THNSL1: variants seen among roughly 807,000 people sequenced by gnomAD.
THNSL1 encodes the protein threonine synthase-like 1.
A neutral mutation model predicts 50.4 loss-of-function variants in THNSL1; 48 were observed. The observed-to-expected ratio is 0.95, with a 90% CI of 0.76 to 1.21. The LOEUF is 1.21. Among genes scored for constraint, THNSL1 ranks in the 50% most tolerant of loss-of-function variants. THNSL1 has a pLI of 0.00. For synonymous variants in THNSL1, 309 were observed against 306.1 expected, an observed-to-expected ratio of 1.01 and a Z score of -0.10; for missense variants, 896 against 871.7, an observed-to-expected ratio of 1.03 and a Z score of -0.35.
chr10:25,018,066 T>C (rs1334339245), intron 1 of THNSL1, among the ~76,000 whole-genome samples: 5 of 152,200 alleles, frequency 3.3e-5, no homozygotes, highest in Non-Finnish European at 5.9e-5. Flanking sequence ...GCCTTGATGT[T>C]CTGGGGTTAC....
the THNSL1 span, among the ~76,000 whole-genome samples, chr10:24,967,451 G>A: frequency 0.044 from 6,710 of 152,260 alleles, 389 homozygotes; most frequent in African/African-American, 0.13. Context: ...AGGTAGTGGG[G>A]GAAGGATGGG....
the THNSL1 span, among the ~76,000 whole-genome samples, chr10:24,978,197 T>C: frequency 6.6e-6 from 1 of 152,200 alleles, no homozygotes; most frequent in Non-Finnish European, 1.5e-5. Flanking sequence ...CAGTTCTTTT[T>C]CATCAAGCAC....
the THNSL1 span, among the ~76,000 whole-genome samples, chr10:24,989,888 C>A: frequency 6.6e-6 from 1 of 152,030 alleles, no homozygotes; most frequent in African/African-American, 2.4e-5. Context: ...CTCTTACACC[C>A]CCTAATATTT....
the THNSL1 span, among the ~76,000 whole-genome samples, chr10:24,993,420 T>C: frequency 6.6e-5 from 10 of 152,236 alleles, no homozygotes; most frequent in Admixed American, 4.6e-4. Context: ...AGTTACTAAG[T>C]GGCAGAGTTA....
At chr10:25,010,961 G>T in the THNSL1 span, among the ~76,000 whole-genome samples, 3 of 151,560 alleles carry the variant, frequency 2.0e-5, no homozygotes, top group Non-Finnish European at 4.4e-5. Flanking sequence ...TATATACCCA[G>T]TAATGGGATG....
chr10:24,961,530 A>T, the THNSL1 span, among the ~76,000 whole-genome samples: 3 of 152,182 alleles, frequency 2.0e-5, no homozygotes, highest in African/African-American at 7.2e-5. Flanking sequence ...TTACAATATT[A>T]GTGTCTTTTT....
At chr10:24,964,639 T>C in the THNSL1 span, among the ~76,000 whole-genome samples, 1 of 152,230 alleles carries the variant, frequency 6.6e-6, no homozygotes, top group Non-Finnish European at 1.5e-5. Flanking sequence ...TTCCATTTCA[T>C]ATAAAGGAAA....
At chr10:24,985,816 G>A in the THNSL1 span, among the ~76,000 whole-genome samples, 15 of 152,292 alleles carry the variant, frequency 9.8e-5, no homozygotes, top group African/African-American at 3.6e-4. Context: ...AACAGAAAGT[G>A]CAATTTAAGA....
chr10:25,010,721 T>C, the THNSL1 span, among the ~76,000 whole-genome samples: 2 of 138,128 alleles, frequency 1.4e-5, no homozygotes, highest in African/African-American at 4.9e-5. Context: ...TGTGATAGTT[T>C]ACTGAGAATG....
the THNSL1 span, among the ~76,000 whole-genome samples, chr10:24,970,794 C>A: frequency 1.3e-5 from 2 of 152,038 alleles, no homozygotes; most frequent in South Asian, 4.1e-4. Context: ...GAGGCTTAGG[C>A]AGGAGGATCC....
At chr10:24,990,222 T>C in the THNSL1 span, among the ~76,000 whole-genome samples, 4 of 152,234 alleles carry the variant, frequency 2.6e-5, no homozygotes. Flanking sequence ...ACAACACTAG[T>C]TCAGGAAAAA....
Position 25,024,919 on chromosome 10 carries a change from A to G in THNSL1, c.1696A>G (p.Ile566Val). Residue 566 changes from isoleucine (I) to valine (V), a missense_variant, in exon 3 of 3, where the codon ATT becomes GTT. Physicochemically the swap from Ile to Val is conservative, Grantham distance 29. Transcript: ENST00000376356. ...LAQTFSPSID[I>V]LKSSNLERHL... ...ACAAACCTTTTCACCGTCAATAGATATTCTCAAATCTTCAAACCTAGAACG... is the reference window on the plus strand; with the variant it reads ...ACAAACCTTTTCACCGTCAATAGATGTTCTCAAATCTTCAAACCTAGAACG... The G allele has an allele frequency of 1.9e-6, 3 of 1,613,956 alleles. No individual in the cohort carries two copies. The highest frequency in any genetic ancestry group is 1.7e-6 in the Non-Finnish European group (2 of 1,180,016).
chr10:25,017,046 CCCTTGGGCGGTCCTCCGGGTCGGCT>C (rs1850608456), intron 1 of THNSL1, among the ~76,000 whole-genome samples: 2 of 152,114 alleles, frequency 1.3e-5, no homozygotes, highest in Non-Finnish European at 2.9e-5. Context: ...CCGGGACCGC[CCCTTGGGCGGTCCTCCGGGTCGGCT>C]CTGCGCCTGC....
the THNSL1 span, among the ~76,000 whole-genome samples, chr10:25,011,162 C>T: frequency 1.4e-4 from 22 of 151,858 alleles, 1 homozygote; most frequent in Admixed American, 1.2e-3. Context: ...TGGTATCTCA[C>T]TGTGGTTTTG....
chr10:24,992,947 G>A, the THNSL1 span, among the ~76,000 whole-genome samples: 1 of 152,260 alleles, frequency 6.6e-6, no homozygotes, highest in South Asian at 2.1e-4. Context: ...GCTTCATCAT[G>A]ATGATTCTGC....
chr10:24,969,968 A>C, the THNSL1 span, among the ~76,000 whole-genome samples: 8 of 152,258 alleles, frequency 5.3e-5, no homozygotes, highest in Non-Finnish European at 8.8e-5. Context: ...TTGTGTTTCC[A>C]GAAACCACTT....
the THNSL1 span, among the ~76,000 whole-genome samples, chr10:25,003,182 AT>A: frequency 6.7e-6 from 1 of 149,302 alleles, no homozygotes; most frequent in African/African-American, 2.5e-5. Context: ...TAATTAATTA[AT>A]TTATTTATTT....
At chr10:25,006,490 T>A in the THNSL1 span, among the ~76,000 whole-genome samples, 1 of 152,208 alleles carries the variant, frequency 6.6e-6, no homozygotes, top group Admixed American at 6.5e-5. Context: ...TCTTCCTTGA[T>A]GGGCTGGCTG....
At chr10:24,965,287 A>T in the THNSL1 span, among the ~76,000 whole-genome samples, 1 of 152,152 alleles carries the variant, frequency 6.6e-6, no homozygotes, top group African/African-American at 2.4e-5. Context: ...TGATTATCTT[A>T]GTATCACTAT....
Sources: gnomAD v4.1 joint callset for allele counts (sites outside exome capture counted in the v4.1 genomes callset) on GRCh38, gnomAD v4.1.1 for gene constraint, MANE v1.5 for transcripts, NCBI Gene and HGNC (gene_info 2026-07-23, HGNC 2026-07-21) for gene names.